CGNL1: variants seen among roughly 807,000 people sequenced by gnomAD.
CGNL1 encodes the protein cingulin-like protein 1.
CGNL1 carries 132 observed loss-of-function variants against 141.2 expected under a neutral mutation model. The observed-to-expected ratio is 0.93, with a 90% confidence interval of 0.81 to 1.08. The LOEUF is 1.08. Ranked by LOEUF, CGNL1 falls within the 50% of genes least tolerant of loss-of-function variation. The pLI is 0.00. For missense variants in CGNL1, 1,870 were observed against 1,588.6 expected (o/e 1.18, Z -3.01); for synonymous variants, 690 against 622.1 (o/e 1.11, Z -1.63).
intron 8 of CGNL1, among the ~76,000 whole-genome samples, chr15:57,465,819 C>T (rs1261368570): frequency 6.6e-6 from 1 of 152,186 alleles, no homozygotes; most frequent in Non-Finnish European, 1.5e-5. Flanking sequence ...AAATAACCAG[C>T]ACTTTATCCT....
At chr15:57,487,653 T>C (rs2063802840) in intron 8 of CGNL1, among the ~76,000 whole-genome samples, 1 of 152,232 alleles carries the variant, frequency 6.6e-6, no homozygotes, top group Non-Finnish European at 1.5e-5. Context: ...AACCAAGTGA[T>C]TAGAATTGTG....
Position 57,439,351 on chromosome 15 carries a change from C to T in CGNL1, c.1352C>T (p.Ala451Val), listed in dbSNP as rs769230665. Residue 451 changes from alanine (A) to valine (V), a missense_variant, in exon 2 of 19, where the codon GCG (alanine) becomes GTG (valine). Physicochemically the swap from Ala to Val is moderately conservative, Grantham distance 64 (BLOSUM62 0). Coordinates refer to ENST00000281282, the MANE Select transcript of CGNL1 (RefSeq NM_032866.5). ...GRTFAKLQGA[A>V]HGASCAHSRP... is the part of the protein sequence containing the mutation. ...ACCTTTGCAAAGCTGCAGGGAGCAG[C>T]GCACGGGGCTTCATGTGCCCACTCC... The T allele has an allele frequency of 6.2e-6, 10 of 1,614,008 alleles. No individual in the cohort carries two copies. Among genetic ancestry groups the T allele is most frequent in the Admixed American group, 1.7e-5 (1 of 60,008 alleles).
At chr15:57,505,066 G>A (rs1336600270) in intron 8 of CGNL1, among the ~76,000 whole-genome samples, 1 of 152,102 alleles carries the variant, frequency 6.6e-6, no homozygotes, top group African/African-American at 2.4e-5. Context: ...AGAAAAGGAG[G>A]GACCGAGTGA....
At chr15:57,461,659 C>G (rs549662884) in intron 7 of CGNL1, 21 bp from the exon 8 acceptor site, 1 of 1,605,262 alleles carries the variant, frequency 6.2e-7, no homozygotes, top group Non-Finnish European at 8.5e-7. Context: ...CACCTTCTCC[C>G]TTCGTGTTTC....
At chr15:57,525,846 G>T (rs751373908) in intron 12 of CGNL1, among the ~76,000 whole-genome samples, 34 of 151,638 alleles carry the variant, frequency 2.2e-4, no homozygotes, top group Non-Finnish European at 4.7e-4. Flanking sequence ...CTCCAAGTAA[G>T]CAGTGAAATT....
chr15:57,417,182 T>A (rs2062858156), intron 1 of CGNL1, among the ~76,000 whole-genome samples: 2 of 152,200 alleles, frequency 1.3e-5, no homozygotes, highest in African/African-American at 4.8e-5. Context: ...CGTATCTAGT[T>A]TGTTTAATAG....
chr15:57,530,834 C>A (rs922621974), intron 13 of CGNL1, among the ~76,000 whole-genome samples: 8 of 152,216 alleles, frequency 5.3e-5, no homozygotes, highest in African/African-American at 1.7e-4. Context: ...CATTGCTTGT[C>A]AATCCACTTT....
At chr15:57,420,852 T>A (rs557192367) in intron 1 of CGNL1, among the ~76,000 whole-genome samples, 1 of 152,368 alleles carries the variant, frequency 6.6e-6, no homozygotes, top group East Asian at 1.9e-4. Context: ...TCGTTTTCTA[T>A]CTGCTGAATG....
At chr15:57,497,465 A>G (rs1437516472) in intron 8 of CGNL1, among the ~76,000 whole-genome samples, 2 of 152,122 alleles carry the variant, frequency 1.3e-5, no homozygotes, top group African/African-American at 4.8e-5. Context: ...TCAGCAGGGG[A>G]AAAAGAATAA....
intron 8 of CGNL1, among the ~76,000 whole-genome samples, chr15:57,474,857 A>G (rs2063631448): frequency 6.6e-6 from 1 of 152,232 alleles, no homozygotes; most frequent in African/African-American, 2.4e-5. Flanking sequence ...ATATCTTTTG[A>G]ATTTATTCCA....
Position 57,440,797 on chromosome 15 carries a change from C to T in CGNL1, c.1697+326C>T, listed in dbSNP as rs143482280. ...AGGTTTGAATGGAGTCCGCCATCAC[C>T]TTGAGTTCTTCCGTGCAATGTGGTA... On this transcript the variant is annotated intron_variant, in intron 3 of 18. Transcript: ENST00000281282. Among the ~76,000 whole-genome samples the T allele has an allele frequency of 4.6e-3, 699 of 152,260 alleles. 4 individuals carry two copies. The highest frequency in any genetic ancestry group is 0.016 in the African/African-American group (660 of 41,550).
At chr15:57,537,599 T>C (rs1166593824) in intron 14 of CGNL1, among the ~76,000 whole-genome samples, 2 of 152,334 alleles carry the variant, frequency 1.3e-5, no homozygotes, top group African/African-American at 4.8e-5. Context: ...CCGACCTCTT[T>C]ACAGCCCAAT....
At chr15:57,455,720 T>C (rs544231557) in intron 7 of CGNL1, among the ~76,000 whole-genome samples, 11 of 152,354 alleles carry the variant, frequency 7.2e-5, no homozygotes, top group Admixed American at 2.0e-4. Flanking sequence ...ATGAACTGCA[T>C]ACTTCTTTTC....
intron 8 of CGNL1, among the ~76,000 whole-genome samples, chr15:57,473,787 G>C (rs1019647163): frequency 2.0e-5 from 3 of 151,480 alleles, no homozygotes; most frequent in Non-Finnish European, 4.4e-5. Context: ...TCTGGCCCCA[G>C]TCAAGCCTTC....
Position 57,438,257 on chromosome 15 carries a change from A to G in CGNL1, c.258A>G (p.Leu86=), listed in dbSNP as rs1314823889. The change falls in exon 2 of 19, where the codon CTA becomes CTG. Residue 86 remains leucine, a synonymous_variant. Coordinates refer to ENST00000281282, the MANE Select transcript of CGNL1 (RefSeq NM_032866.5). ...FPPPVINNLP[L]HSSNGSVPKE... is the part of the protein sequence containing the mutation. ...CTCCAGTGATAAATAACCTGCCTCTACATTCCAGCAATGGTTCTGTGCCAA... is the reference window on the plus strand; with the variant it reads ...CTCCAGTGATAAATAACCTGCCTCTGCATTCCAGCAATGGTTCTGTGCCAA... 1.2e-6 allele frequency: 2 copies of G among 1,614,204 alleles called. No individual in the cohort carries two copies. Among genetic ancestry groups the G allele is most frequent in the Admixed American group, 1.7e-5 (1 of 60,022 alleles).
intron 3 of CGNL1, among the ~76,000 whole-genome samples, chr15:57,441,588 C>G (rs142881884): frequency 1.3e-4 from 20 of 152,218 alleles, no homozygotes; most frequent in African/African-American, 4.6e-4. Flanking sequence ...AGGATAATCT[C>G]AAACTCCTGA....
chr15:57,529,836 G>A (rs1304881071), intron 13 of CGNL1, among the ~76,000 whole-genome samples: 1 of 152,234 alleles, frequency 6.6e-6, no homozygotes. Flanking sequence ...GGACTTAGTA[G>A]CTGTTTATAT....
At chr15:57,518,564 A>G (rs1175487236) in intron 10 of CGNL1, 67 bp downstream of exon 10, 1 of 1,046,682 alleles carries the variant, frequency 9.6e-7, no homozygotes, top group Non-Finnish European at 1.5e-6. Context: ...CACCAGAGGG[A>G]TGTGTGGAGA....
At chr15:57,522,405 G>A (rs1261746983) in intron 10 of CGNL1, among the ~76,000 whole-genome samples, 1 of 152,204 alleles carries the variant, frequency 6.6e-6, no homozygotes, top group African/African-American at 2.4e-5. Flanking sequence ...ACTGCCTGTG[G>A]CAGCAGCTTG....
Sources: allele counts gnomAD v4.1 joint callset (sites outside exome capture counted in the v4.1 genomes callset), GRCh38; gene constraint gnomAD v4.1.1; transcripts MANE v1.5; gene names NCBI Gene and HGNC (gene_info 2026-07-23, HGNC 2026-07-21).